The following FAM199X variants were observed in gnomAD, a reference collection of about 807,000 sequenced individuals.
FAM199X encodes family with sequence similarity 199, X-linked.
Under a neutral mutation model 22.9 loss-of-function variants are expected in FAM199X, and 4 were observed. That is an observed-to-expected ratio of 0.17 (90% CI 0.09 to 0.40). FAM199X has a LOEUF of 0.40. Ranked by LOEUF, FAM199X falls within the 10% of genes least tolerant of loss-of-function variation. The pLI is 1.00. For missense variants in FAM199X, 183 were observed against 306.8 expected, an observed-to-expected ratio of 0.60 and a Z score of 3.01; for synonymous variants, 101 against 112.3, an observed-to-expected ratio of 0.90 and a Z score of 0.64.
At position 104,172,725 on chromosome X, in the gene FAM199X, T is replaced by G. The variant is rs782024106; in HGVS notation, c.198-2898T>G. ...TTTTTTTTTTTAAGGAATGTCACTA[T>G]TACTCATGGAGAGAAACACATTTCT... On this transcript the variant is annotated intron_variant, in intron 1 of 5. Transcript: ENST00000493442. Among the ~76,000 whole-genome samples the G allele has an allele frequency of 3.7e-5, 4 of 109,320 alleles. No individual in the cohort carries two copies. The East Asian group carries it at 1.1e-3, about 31-fold the overall frequency. 94.9% of individuals were successfully genotyped at this position (109,320 alleles called of 115,157 possible).
the FAM199X span, among the ~76,000 whole-genome samples, chrX:104,160,927 C>T: frequency 2.7e-5 from 3 of 111,229 alleles, no homozygotes; most frequent in African/African-American, 9.8e-5. Context: ...TAAATCCATT[C>T]CTCTAGCTAC....
intron 2 of FAM199X, among the ~76,000 whole-genome samples, chrX:104,185,645 T>C: frequency 9.0e-6 from 1 of 111,068 alleles, no homozygotes; most frequent in Admixed American, 9.6e-5. Context: ...AGTCTGACTA[T>C]CTCCCAGGCT....
At position 104,166,469 on chromosome X, in the gene FAM199X, C is replaced by G. The variant is rs1263005110; in HGVS notation, c.-317C>G. On this transcript the variant is annotated 5_prime_UTR_variant, in exon 1 of 6. Coordinates refer to ENST00000493442, the MANE Select transcript of FAM199X (RefSeq NM_207318.4). ...GACTGCTGCAGTCGCAAGCGGCGAG[C>G]GCAGTGGGCGGGGCGGGCCTGGCCG... Among the ~76,000 whole-genome samples, 1 of 112,359 alleles carries G rather than the reference C, an allele frequency of 8.9e-6. No individual in the cohort carries two copies. The highest frequency in any genetic ancestry group is 1.9e-5 in the Non-Finnish European group (1 of 53,016).
At chrX:104,183,684 C>G (rs1221758766) in intron 2 of FAM199X, among the ~76,000 whole-genome samples, 1 of 111,274 alleles carries the variant, frequency 9.0e-6, no homozygotes, top group African/African-American at 3.3e-5. Flanking sequence ...AGGCTGGTCT[C>G]GAACTCCTGA....
chrX:104,188,400 G>C, intron 5 of FAM199X, 94 bp downstream of exon 5: 1 of 1,038,859 alleles, frequency 9.6e-7, no homozygotes, highest in Admixed American at 2.4e-5. Context: ...TGATCCTGCT[G>C]TCTAGTTGCC....
upstream of FAM199X, among the ~76,000 whole-genome samples, chrX:104,164,834 C>T (rs186072799): frequency 8.2e-3 from 917 of 111,258 alleles, 6 homozygotes; most frequent in African/African-American, 0.029. Flanking sequence ...TAGCCAAGAT[C>T]GCCCCAATAC....
chrX:104,175,790 C>G lies in FAM199X; in HGVS notation c.365C>G (p.Ser122Cys), dbSNP rs1556376300. The G allele has an allele frequency of 2.5e-6, 3 of 1,209,666 alleles. No individual in the cohort carries two copies. Among genetic ancestry groups the G allele is most frequent in the Non-Finnish European group, 2.2e-6 (2 of 894,995 alleles). The change falls in exon 2 of 6, where the codon TCT becomes TGT. Residue 122 changes from serine (S) to cysteine (C), a missense_variant. This residue lies in a region of FAM199X where 128 missense variants were observed against 246.2 expected (regional missense o/e 0.52). Coordinates refer to ENST00000493442, the MANE Select transcript of FAM199X (RefSeq NM_207318.4). ...FPEGSVCSDV[S>C]SSISTYWDWS... ...GAGGGGAGTGTCTGCAGTGATGTCT[C>G]TTCTTCTATTAGCACTTACTGGGAT...
chrX:104,165,317 T>A (rs1797291589), upstream of FAM199X, among the ~76,000 whole-genome samples: 1 of 112,138 alleles, frequency 8.9e-6, no homozygotes, highest in Non-Finnish European at 1.9e-5. Context: ...TCACTATAAG[T>A]TGCATTGGTA....
In FAM199X at chrX:104,166,947, T is replaced by G; in HGVS notation, c.162T>G (p.His54Gln). The G allele has an allele frequency of 8.4e-7, 1 of 1,184,640 alleles. No homozygotes were observed. The highest frequency in any genetic ancestry group is 1.1e-6 in the Non-Finnish European group (1 of 880,891). Residue 54 changes from histidine (H) to glutamine (Q), a missense_variant, in exon 1 of 6, where the codon CAT (histidine) becomes CAG (glutamine). Physicochemically the swap from His to Gln is conservative, Grantham distance 24 (BLOSUM62 0). Transcript: ENST00000493442. The stretch of plus-strand genomic sequence containing the variant: ...TCGGCTGCCAGCTGTCCTCCTGCCA[T>G]CGCACCGACCCGCTCCACCGCTTCC... ...SDFGCQLSSCHRTDPLHRFHT... is the reference protein window; with the variant it reads ...SDFGCQLSSCQRTDPLHRFHT...
chrX:104,188,341 C>A (rs1042313763), intron 5 of FAM199X, 35 bp downstream of exon 5: 8 of 1,184,123 alleles, frequency 6.8e-6, no homozygotes, highest in Non-Finnish European at 9.2e-6. Context: ...CTTTACCTTT[C>A]AATATTAACA....
intron 2 of FAM199X, among the ~76,000 whole-genome samples, chrX:104,182,304 A>G (rs1283734847): frequency 7.2e-5 from 8 of 110,551 alleles, no homozygotes; most frequent in African/African-American, 2.6e-4. Flanking sequence ...TTTTCATGTT[A>G]TATTTTTCCT....
At chrX:104,167,119 TC>T (rs1264987020) in intron 1 of FAM199X, 137 bp downstream of exon 1, 3 of 483,852 alleles carry the variant, frequency 6.2e-6, no homozygotes, top group African/African-American at 2.8e-5. Flanking sequence ...CCGGCCTCCT[TC>T]CCTGCCCCCC....
In FAM199X at chrX:104,188,092, C is replaced by T. The variant is rs782764049; in HGVS notation, c.782C>T (p.Ala261Val). 2.7e-5 allele frequency: 33 copies of T among 1,210,039 alleles called. No homozygotes were observed. In the East Asian group the frequency reaches 9.8e-4, roughly 36 times the overall value. ...CCTCGCCAACGGCCTGCAAGAGAGG[C>T]CTGGAAGAGAAGCAACTTTAGTTGT... ...HSPRQRPARE[A>V]WKRSNFSCAS... is the part of the protein sequence containing the mutation. Residue 261 changes from alanine to valine, a missense_variant, in exon 5 of 6, where the codon GCC (alanine) becomes GTC (valine). Transcript: ENST00000493442.
At chrX:104,168,128 A>G (rs782088028) in intron 1 of FAM199X, among the ~76,000 whole-genome samples, 13 of 112,541 alleles carry the variant, frequency 1.2e-4, no homozygotes, top group Non-Finnish European at 2.1e-4. Context: ...TGTTTCTTAC[A>G]TAAATGAAAG....
chrX:104,181,015 A>G (rs1315815541), intron 2 of FAM199X, among the ~76,000 whole-genome samples: 1 of 112,230 alleles, frequency 8.9e-6, no homozygotes, highest in African/African-American at 3.2e-5. Flanking sequence ...TTTTGTTATT[A>G]AGGATATATT....
At position 104,192,433 on chromosome X, in the gene FAM199X, C is replaced by G. The variant is rs989782616; in HGVS notation, c.*2655C>G. ...ACTGACATTGGAGCAAATTTTAAGTCTCCCCTTTGAAAATAAGCCTTGTTA... is the reference window on the plus strand; with the variant it reads ...ACTGACATTGGAGCAAATTTTAAGTGTCCCCTTTGAAAATAAGCCTTGTTA... On this transcript the variant is annotated 3_prime_UTR_variant, in exon 6 of 6. Transcript: ENST00000493442. 2 of 111,574 alleles carry G rather than the reference C, an allele frequency of 1.8e-5. No homozygotes were observed. The highest frequency in any genetic ancestry group is 1.9e-4 in the Admixed American group (2 of 10,488). The allele number at this position is 111,574 out of a possible 1,213,427, so 9.2% of individuals were successfully genotyped here.
rs1921964760 is a variant in FAM199X at position 104,192,484 on chromosome X, A to G, written c.*2706A>G. 9.0e-6 allele frequency: 1 copy of G among 111,643 alleles called. No homozygotes were observed. Among genetic ancestry groups the G allele is most frequent in the South Asian group, 3.7e-4 (1 of 2,686 alleles). The allele number at this position is 111,643 out of a possible 1,213,427, so 9.2% of individuals were successfully genotyped here. Reference sequence around the variant, plus strand: ...ACTGAGGGCGTAATACATTTCCCACAGATTTATCCAGAAACATTTTATTAG... The same window carrying G: ...ACTGAGGGCGTAATACATTTCCCACGGATTTATCCAGAAACATTTTATTAG... On this transcript the variant is annotated 3_prime_UTR_variant, in exon 6 of 6. Transcript: ENST00000493442.
chrX:104,160,791 C>T, the FAM199X span, among the ~76,000 whole-genome samples: 2 of 111,444 alleles, frequency 1.8e-5, no homozygotes, highest in Non-Finnish European at 3.8e-5. Flanking sequence ...TTGAAAATGA[C>T]CAGATTGTTG....
chrX:104,166,993 C>T lies in FAM199X; in HGVS notation c.197+11C>T, dbSNP rs1921217836. On this transcript the variant is annotated intron_variant, in intron 1 of 5. Coordinates refer to ENST00000493442, the MANE Select transcript of FAM199X (RefSeq NM_207318.4). ...CTTCCACACCAACAGGTACGAACTG[C>T]ACCTGAGGGCAGGGGTGGATTTTCC... is the stretch of plus-strand genomic sequence containing the variant. 9.0e-7 allele frequency: 1 copy of T among 1,110,866 alleles called. No individual in the cohort carries two copies. The highest frequency in any genetic ancestry group is 1.9e-5 in the African/African-American group (1 of 52,726). The allele number at this position is 1,110,866 out of a possible 1,213,427, so 91.5% of individuals were successfully genotyped here.
Sources: gnomAD v4.1 joint callset for allele counts (sites outside exome capture counted in the v4.1 genomes callset) on GRCh38, gnomAD v4.1.1 for gene constraint, gnomAD v4.1.1 regional missense constraint, MANE v1.5 for transcripts, NCBI Gene and HGNC (gene_info 2026-07-23, HGNC 2026-07-21) for gene names.